Variants in MAPRE2 observed in about 807,000 individuals in gnomAD.
MAPRE2 encodes microtubule-associated protein RP/EB family member 2.
A neutral mutation model predicts 43.2 loss-of-function variants in MAPRE2; 13 were observed. The ratio of observed to expected loss-of-function variants is 0.30; its 90% CI spans 0.20 to 0.48. MAPRE2 has a LOEUF of 0.48. Ranked by LOEUF, MAPRE2 falls within the 20% of genes least tolerant of loss-of-function variation. The probability of loss-of-function intolerance (pLI) is 0.99; values close to 1 mark genes in which losing one functional copy is unlikely to be tolerated. For missense variants in MAPRE2, 161 were observed against 400.2 expected (o/e 0.40, Z 5.10); for synonymous variants, 135 against 148.8 (o/e 0.91, Z 0.68).
chr18:35,095,654 G>A (rs886155532), intron 2 of MAPRE2, among the ~76,000 whole-genome samples: 2 of 151,778 alleles, frequency 1.3e-5, no homozygotes, highest in Non-Finnish European at 2.9e-5. Flanking sequence ...CTACAAAAGC[G>A]AAAATAACTT....
chr18:35,001,300 G>A (rs887247752), intron 1 of MAPRE2, among the ~76,000 whole-genome samples: 1 of 152,080 alleles, frequency 6.6e-6, no homozygotes, highest in Admixed American at 6.5e-5. Flanking sequence ...CTCACTTGAG[G>A]CCAGGAGTTC....
At chr18:35,017,403 C>G (rs1473384482) in intron 2 of MAPRE2, among the ~76,000 whole-genome samples, 1 of 151,558 alleles carries the variant, frequency 6.6e-6, no homozygotes, top group East Asian at 1.9e-4. Flanking sequence ...GGCAGTGTGG[C>G]CATTTTAACA....
chr18:35,109,971 C>T (rs545223667), intron 4 of MAPRE2, among the ~76,000 whole-genome samples: 13 of 152,058 alleles, frequency 8.5e-5, no homozygotes, highest in South Asian at 4.2e-4. Context: ...ATTTACTTAC[C>T]GCCTTTTAAA....
intron 1 of MAPRE2, among the ~76,000 whole-genome samples, chr18:34,984,901 T>TTA (rs369184094): frequency 3.7e-5 from 1 of 26,906 alleles, no homozygotes; most frequent in Non-Finnish European, 7.5e-5. Flanking sequence ...ATAATATATT[T>TTA]TATGTTATAT....
In MAPRE2 at chr18:35,141,476, A is replaced by C. The variant is rs1169261772; in HGVS notation, c.*1107A>C. On this transcript the variant is annotated 3_prime_UTR_variant, in exon 7 of 7. Transcript: ENST00000300249. The stretch of plus-strand genomic sequence containing the variant: ...GAATAACAGCACAGAAAAATCTATG[A>C]CTCCCAATATCTTCTAGAATAAAGA... 1 of 152,050 alleles carries C rather than the reference A, an allele frequency of 6.6e-6. No homozygotes were observed. The highest frequency in any genetic ancestry group is 1.9e-4 in the East Asian group (1 of 5,190). The allele number at this position is 152,050 out of a possible 1,614,324, so 9.4% of individuals were successfully genotyped here. A position where few individuals can be genotyped will look rare whatever the true frequency, so the allele number is the denominator to read the frequency against.
At chr18:35,104,364 A>G (rs1908810290) in intron 4 of MAPRE2, among the ~76,000 whole-genome samples, 1 of 152,176 alleles carries the variant, frequency 6.6e-6, no homozygotes, top group African/African-American at 2.4e-5. Context: ...GGAGGAAAAT[A>G]AAAACATTTG....
intron 1 of MAPRE2, among the ~76,000 whole-genome samples, chr18:35,054,880 A>G (rs901459044): frequency 4.6e-5 from 7 of 152,202 alleles, no homozygotes; most frequent in South Asian, 2.1e-4. Context: ...ATAGTTCGCA[A>G]TGAAGTGACC....
chr18:35,107,757 C>T (rs1434007419), intron 4 of MAPRE2, among the ~76,000 whole-genome samples: 1 of 151,972 alleles, frequency 6.6e-6, no homozygotes, highest in East Asian at 1.9e-4. Context: ...CTTCTATGTG[C>T]GTTTTTTTAC....
At chr18:35,024,634 G>C (rs2097044022) in intron 2 of MAPRE2, among the ~76,000 whole-genome samples, 2 of 152,136 alleles carry the variant, frequency 1.3e-5, no homozygotes, top group Non-Finnish European at 2.9e-5. Flanking sequence ...ATTTTGGAGA[G>C]AATTATAATC....
intron 1 of MAPRE2, among the ~76,000 whole-genome samples, chr18:35,047,124 G>A (rs1020362440): frequency 1.3e-5 from 2 of 152,194 alleles, no homozygotes; most frequent in Non-Finnish European, 2.9e-5. Context: ...ACTCCAGAGT[G>A]GATGGAGTTT....
chr18:35,032,810 T>C (rs1385495200), intron 2 of MAPRE2, among the ~76,000 whole-genome samples: 1 of 152,166 alleles, frequency 6.6e-6, no homozygotes, highest in East Asian at 1.9e-4. Context: ...GTTTGTTTGT[T>C]TTTTATTTTT....
At chr18:35,131,962 C>A in intron 5 of MAPRE2, 70 bp from the exon 6 acceptor site, 1 of 1,469,056 alleles carries the variant, frequency 6.8e-7, no homozygotes, top group Non-Finnish European at 9.4e-7. Context: ...GTTTTATTCA[C>A]AGGAATTGCT....
intron 1 of MAPRE2, among the ~76,000 whole-genome samples, chr18:35,044,206 G>A (rs979318686): frequency 3.9e-5 from 6 of 152,122 alleles, no homozygotes; most frequent in South Asian, 2.1e-4. Flanking sequence ...GTAGGCCCCC[G>A]AACAGGTCTT....
chr18:34,993,754 C>A (rs2097024994), intron 1 of MAPRE2, among the ~76,000 whole-genome samples: 1 of 152,202 alleles, frequency 6.6e-6, no homozygotes, highest in South Asian at 2.1e-4. Context: ...CACTTTCTCA[C>A]TCCTGATGGG....
chr18:35,048,432 GTA>G (rs993244937), intron 1 of MAPRE2, among the ~76,000 whole-genome samples: 23 of 151,398 alleles, frequency 1.5e-4, no homozygotes, highest in Non-Finnish European at 2.2e-4. Flanking sequence ...GTGTGTGTGT[GTA>G]TTTATACATA....
At position 35,005,550 on chromosome 18, in the gene MAPRE2, C is replaced by G. The variant is rs909396421; in HGVS notation, c.-11C>G. 60 of 1,540,218 alleles carry G rather than the reference C, an allele frequency of 3.9e-5. No individual in the cohort carries two copies. The highest frequency in any genetic ancestry group is 1.7e-4 in the Middle Eastern group (1 of 5,988). Reference sequence around the variant, plus strand: ...CAGCCAGGGAGAAAGCCTGGATGCTCAAGGTAAGGTTTATATAAATTACGT... The same window carrying G: ...CAGCCAGGGAGAAAGCCTGGATGCTGAAGGTAAGGTTTATATAAATTACGT... On this transcript the variant is annotated 5_prime_UTR_variant, in exon 2 of 8. Transcript: ENST00000413393.
chr18:35,012,062 T>C (rs1326613329), intron 2 of MAPRE2, among the ~76,000 whole-genome samples: 1 of 152,062 alleles, frequency 6.6e-6, no homozygotes, highest in Non-Finnish European at 1.5e-5. Flanking sequence ...CAAGTGGCAG[T>C]GCTGTGGTTG....
intron 1 of MAPRE2, among the ~76,000 whole-genome samples, chr18:35,060,970 G>C (rs1223447447): frequency 1.3e-5 from 2 of 152,158 alleles, no homozygotes; most frequent in African/African-American, 4.8e-5. Context: ...TGGCAAGAAA[G>C]AGCTTAATCT....
intron 2 of MAPRE2, among the ~76,000 whole-genome samples, chr18:35,090,992 T>C (rs373147050): frequency 1.3e-5 from 2 of 152,174 alleles, no homozygotes; most frequent in African/African-American, 4.8e-5. Flanking sequence ...CACCTAAGAA[T>C]AAACTTAGCG....
Sources: gnomAD v4.1 joint callset for allele counts (sites outside exome capture counted in the v4.1 genomes callset) on GRCh38, gnomAD v4.1.1 for gene constraint, MANE v1.5 for transcripts, NCBI Gene and HGNC (gene_info 2026-07-23, HGNC 2026-07-21) for gene names.